The following TMEM26 variants were observed in gnomAD, a reference collection of about 807,000 sequenced individuals.
TMEM26 encodes the protein transmembrane protein 26.
A neutral mutation model predicts 28.8 loss-of-function variants in TMEM26; 38 were observed. The ratio of observed to expected loss-of-function variants is 1.32; its 90% CI spans 1.02 to 1.73. TMEM26 has a LOEUF of 1.73. Ranked by LOEUF, TMEM26 falls within the 40% of genes most tolerant of loss-of-function variation. The pLI, the probability that TMEM26 is intolerant of heterozygous loss-of-function variation, is 0.00. For missense variants in TMEM26, 518 were observed against 447.1 expected, an observed-to-expected ratio of 1.16 and a Z score of -1.43; for synonymous variants, 227 against 182.9, an observed-to-expected ratio of 1.24 and a Z score of -1.95.
At chr10:61,440,810 G>A (rs1210164020) in intron 1 of TMEM26, among the ~76,000 whole-genome samples, 1 of 152,138 alleles carries the variant, frequency 6.6e-6, no homozygotes, top group Admixed American at 6.5e-5. Context: ...CCAGAACTGT[G>A]CCTGTCTGCT....
chr10:61,439,101 A>G (rs1318159956), intron 1 of TMEM26, among the ~76,000 whole-genome samples: 1 of 152,168 alleles, frequency 6.6e-6, no homozygotes, highest in African/African-American at 2.4e-5. Flanking sequence ...TTTACAGCAA[A>G]TATCTCCCAA....
At position 61,410,734 on chromosome 10, in the gene TMEM26, A is replaced by G. The variant is rs1839556731; in HGVS notation, c.695T>C (p.Val232Ala). 1.2e-6 allele frequency: 2 copies of G among 1,614,044 alleles called. No homozygotes were observed. The highest frequency in any genetic ancestry group is 1.7e-6 in the Non-Finnish European group (2 of 1,179,974). Reference protein sequence around the residue: ...FPLDLAVQNVVCPVSVTERGF... With the variant: ...FPLDLAVQNVACPVSVTERGF... ...CCTCTCTGTCACAGACACAGGGCAC[A>G]CAACGTTCTGTACTGAAAACACAAG... Residue 232 changes from valine (V) to alanine (A), a missense_variant, in exon 6 of 6, where the codon GTG becomes GCG. Coordinates refer to ENST00000399298, the MANE Select transcript of TMEM26 (RefSeq NM_178505.8).
chr10:61,411,615 C>T (rs898824010), intron 5 of TMEM26, among the ~76,000 whole-genome samples: 18 of 152,108 alleles, frequency 1.2e-4, no homozygotes, highest in African/African-American at 4.1e-4. Context: ...TTTATTTTAT[C>T]CTAATTCCTT....
chr10:61,452,615 T>G (rs1245596300), intron 1 of TMEM26: 1 of 420,942 alleles, frequency 2.4e-6, no homozygotes, highest in Non-Finnish European at 4.4e-6. Flanking sequence ...CAGCGCTTCC[T>G]CTCTTTACTC....
Position 61,413,498 on chromosome 10 carries a change from A to G in TMEM26, c.643T>C (p.Trp215Arg), listed in dbSNP as rs779052355. Reference sequence around the variant, plus strand: ...GGAAACTGCAGCATGCTCCAAGTCCATATAACAAGGATGGCATAGACTAGT... The same window carrying G: ...GGAAACTGCAGCATGCTCCAAGTCCGTATAACAAGGATGGCATAGACTAGT... ...PALVYAILVI[W>R]TWSMLQFPLD... The change falls in exon 5 of 6, where the codon TGG becomes CGG. Residue 215 changes from tryptophan (W) to arginine (R), a missense_variant. By Grantham distance (101) the Trp-to-Arg change is moderately radical (BLOSUM62 -3). Transcript: ENST00000399298. 6.2e-6 allele frequency: 10 copies of G among 1,613,142 alleles called. No homozygotes were observed. The highest frequency in any genetic ancestry group is 1.7e-4 in the Middle Eastern group (1 of 6,058).
At chr10:61,424,914 C>A (rs1839805536) in intron 4 of TMEM26, among the ~76,000 whole-genome samples, 1 of 152,184 alleles carries the variant, frequency 6.6e-6, no homozygotes, top group Non-Finnish European at 1.5e-5. Context: ...CCTTACCTCC[C>A]ACTGTACACA....
chr10:61,416,850 G>T (rs1839660471), intron 4 of TMEM26, among the ~76,000 whole-genome samples: 2 of 151,998 alleles, frequency 1.3e-5, no homozygotes, highest in Admixed American at 6.6e-5. Context: ...AGGGATAAAT[G>T]ATATACTAAC....
At chr10:61,449,325 C>T (rs904017273) in intron 1 of TMEM26, among the ~76,000 whole-genome samples, 13 of 151,882 alleles carry the variant, frequency 8.6e-5, no homozygotes, top group Non-Finnish European at 1.5e-4. Flanking sequence ...GTTGTTGGCT[C>T]ACCCTCTCTA....
chr10:61,430,247 C>A (rs1839899543), intron 3 of TMEM26, among the ~76,000 whole-genome samples: 1 of 151,962 alleles, frequency 6.6e-6, no homozygotes, highest in South Asian at 2.1e-4. Flanking sequence ...ACCCAAGGTT[C>A]ATTCCATTAA....
At chr10:61,451,986 GAT>G (rs10555555) in intron 1 of TMEM26, among the ~76,000 whole-genome samples, 6,654 of 148,640 alleles carry the variant, frequency 0.045, 159 homozygotes, top group East Asian at 0.077. Context: ...TTAATGTATT[GAT>G]ATATATATAT....
Position 61,452,943 on chromosome 10 carries a change from A to C in TMEM26, c.139T>G (p.Phe47Val). The C allele has an allele frequency of 6.2e-7, 1 of 1,614,046 alleles. No individual in the cohort carries two copies. The highest frequency in any genetic ancestry group is 2.2e-5 in the East Asian group (1 of 44,850). Reference protein sequence around the residue: ...WLLALLNLLLFLETALTLKFK... With the variant: ...WLLALLNLLLVLETALTLKFK... The stretch of plus-strand genomic sequence containing the variant: ...TTGAGGGTGAGCGCAGTCTCCAGGA[A>C]GAGCAAGAGGTTGAGCAGCGCAAGC... The change falls in exon 1 of 6, where the codon TTC becomes GTC. Residue 47 changes from phenylalanine (F) to valine (V), a missense_variant. Transcript: ENST00000399298.
chr10:61,436,363 AC>A (rs1217892088), intron 1 of TMEM26, 115 bp from the exon 2 acceptor site: 2 of 571,598 alleles, frequency 3.5e-6, no homozygotes, highest in East Asian at 5.9e-5. Context: ...ATTGAGTCAA[AC>A]CTTTTCGTAT....
chr10:61,416,983 G>GA (rs1839662654), intron 4 of TMEM26, among the ~76,000 whole-genome samples: 1 of 151,988 alleles, frequency 6.6e-6, no homozygotes, highest in Admixed American at 6.6e-5. Flanking sequence ...ACATACTAGT[G>GA]AAATTATCAA....
chr10:61,429,165 A>C lies in TMEM26; in HGVS notation c.385-19T>G. On this transcript the variant is annotated intron_variant, in intron 3 of 5. Coordinates refer to ENST00000399298, the MANE Select transcript of TMEM26 (RefSeq NM_178505.8). ...CTTTGGCCTGTTTAACAGAAATGTC[A>C]TACAGACAGGATTATCAGCCACCAC... 6.3e-7 allele frequency: 1 copy of C among 1,599,586 alleles called. No individual in the cohort carries two copies. The highest frequency in any genetic ancestry group is 8.6e-7 in the Non-Finnish European group (1 of 1,168,850).
rs767436748 is a variant in TMEM26 at position 61,410,397 on chromosome 10, G to C, written c.1032C>G (p.Asn344Lys). ...GAATAGCCAGGCCCTCCTTAGACTCGTTCTGCCAGTCCCGCTGAGAGGGCC... is the reference window on the plus strand; with the variant it reads ...GAATAGCCAGGCCCTCCTTAGACTCCTTCTGCCAGTCCCGCTGAGAGGGCC... ...ESGPSQRDWQ[N>K]ESKEGLAIPL... Residue 344 changes from asparagine (N) to lysine (K), a missense_variant, in exon 6 of 6, where the codon AAC becomes AAG. Asn to Lys is a moderately conservative substitution (Grantham distance 94). Coordinates refer to ENST00000399298, the MANE Select transcript of TMEM26 (RefSeq NM_178505.8). The C allele has an allele frequency of 3.7e-6, 6 of 1,613,880 alleles. No homozygotes were observed. Among genetic ancestry groups the C allele is most frequent in the African/African-American group, 2.7e-5 (2 of 74,850 alleles).
intron 1 of TMEM26, among the ~76,000 whole-genome samples, chr10:61,445,151 A>T (rs1358328679): frequency 6.6e-6 from 1 of 152,214 alleles, no homozygotes; most frequent in African/African-American, 2.4e-5. Flanking sequence ...CATTGTCAGT[A>T]CTCAATAATT....
At chr10:61,450,397 T>A (rs1051815640) in intron 1 of TMEM26, among the ~76,000 whole-genome samples, 4 of 152,178 alleles carry the variant, frequency 2.6e-5, no homozygotes, top group Non-Finnish European at 5.9e-5. Flanking sequence ...TGAACGTTTT[T>A]TCATTGTTAA....
At chr10:61,417,535 G>A (rs1343590876) in intron 4 of TMEM26, among the ~76,000 whole-genome samples, 1 of 150,268 alleles carries the variant, frequency 6.7e-6, no homozygotes, top group African/African-American at 2.4e-5. Flanking sequence ...AAAAAATGAA[G>A]TATTAACCTA....
chr10:61,415,755 T>A (rs932867787), intron 4 of TMEM26, among the ~76,000 whole-genome samples: 1 of 152,052 alleles, frequency 6.6e-6, no homozygotes, highest in African/African-American at 2.4e-5. Flanking sequence ...ATACCTGAAA[T>A]ATTATGTGTG....
Sources: allele counts gnomAD v4.1 joint callset (sites outside exome capture counted in the v4.1 genomes callset), GRCh38; gene constraint gnomAD v4.1.1; transcripts MANE v1.5; gene names NCBI Gene and HGNC (gene_info 2026-07-23, HGNC 2026-07-21).